The following VEGFA variants were observed in gnomAD, a reference collection of about 807,000 sequenced individuals.
VEGFA encodes vascular endothelial growth factor A.
In VEGFA, 20 loss-of-function variants were observed where a neutral mutation model predicts 49.7. The observed-to-expected ratio is 0.40, with a 90% CI of 0.28 to 0.58. The LOEUF (loss-of-function observed/expected upper bound fraction) is 0.58, where lower values mean the gene tolerates loss of function less well. Ranked by LOEUF, VEGFA falls within the 20% of genes least tolerant of loss-of-function variation. VEGFA has a pLI of 0.40. For synonymous variants in VEGFA, 219 were observed against 223.4 expected, an observed-to-expected ratio of 0.98 and a Z score of 0.18; for missense variants, 505 against 553.5, an observed-to-expected ratio of 0.91 and a Z score of 0.88.
At chr6:43,784,257 C>T (rs1177178171) in intron 7 of VEGFA, 1 of 570,586 alleles carries the variant, frequency 1.8e-6, no homozygotes, top group Non-Finnish European at 3.1e-6. Flanking sequence ...GTAAAGTGTT[C>T]CCATGTCCTT....
At chr6:43,778,617 T>C (rs1457954562) in intron 4 of VEGFA, 81 bp downstream of exon 4, 14 of 1,445,546 alleles carry the variant, frequency 9.7e-6, no homozygotes, top group Non-Finnish European at 1.4e-5. Flanking sequence ...ATGCTGTACT[T>C]TTTGGCCCCC....
At chr6:43,779,116 C>G (rs545398167) in intron 5 of VEGFA, 198 bp downstream of exon 5, 1 of 674,884 alleles carries the variant, frequency 1.5e-6, no homozygotes, top group African/African-American at 1.8e-5. Flanking sequence ...GAAAACATAG[C>G]CAGGAGCCTG....
rs3024987 is a variant in VEGFA at position 43,773,103 on chromosome 6, C to T, written c.607-1238C>T. On this transcript the variant is annotated intron_variant, in intron 1 of 7. Transcript: ENST00000672860. The surrounding 1 kb of genome is among the most constrained non-coding windows in gnomAD (Gnocchi z 5.6). ...GAATCCAGGGGGTCCCTGCAGGAGC[C>T]GCAGTGGTAAGCTGTCCAGCTGGAA... 20,863 of 153,666 alleles carry T rather than the reference C, an allele frequency of 0.14. 1,524 individuals carry two copies. The highest frequency in any genetic ancestry group is 0.22 in the South Asian group (1,065 of 4,850). 9.5% of individuals were successfully genotyped at this position (153,666 alleles called of 1,614,324 possible). A position where few individuals can be genotyped will look rare whatever the true frequency, so the allele number is the denominator to read the frequency against.
At chr6:43,774,291 GC>G in intron 1 of VEGFA, 49 bp from the exon 2 acceptor site, 1 of 1,602,880 alleles carries the variant, frequency 6.2e-7, no homozygotes, top group Non-Finnish European at 8.5e-7. Flanking sequence ...CTGGGCCTGT[GC>G]ACCCCAGCCC....
At position 43,779,123 on chromosome 6, in the gene VEGFA, C is replaced by G. The variant is rs1561992461; in HGVS notation, c.962+205C>G. 6 of 649,948 alleles carry G rather than the reference C, an allele frequency of 9.2e-6. No individual in the cohort carries two copies. In the East Asian group the frequency reaches 1.6e-4, roughly 18 times the overall value. The allele number at this position is 649,948 out of a possible 1,614,324, so 40.3% of individuals were successfully genotyped here. A position where few individuals can be genotyped will look rare whatever the true frequency, so the allele number is the denominator to read the frequency against. On this transcript the variant is annotated intron_variant, in intron 5 of 7. Coordinates refer to ENST00000672860, the MANE Select transcript of VEGFA (RefSeq NM_003376.6). ...GCTAGTGAGAAAACATAGCCAGGAG[C>G]CTGGCACTTCCTTTGGAAGGGACAA...
chr6:43,781,173 G>A (rs140986344), intron 6 of VEGFA: 207 of 469,260 alleles, frequency 4.4e-4, no homozygotes, highest in African/African-American at 3.8e-3. Context: ...TTCTGCACTC[G>A]TCTGGAAGCT....
chr6:43,777,097 C>T lies in VEGFA; in HGVS notation c.659-372C>T, dbSNP rs1262893997. 6 of 359,626 alleles carry T rather than the reference C, an allele frequency of 1.7e-5. No homozygotes were observed. Among genetic ancestry groups the T allele is most frequent in the Non-Finnish European group, 3.3e-5 (6 of 184,176 alleles). The allele number at this position is 359,626 out of a possible 1,614,324, so 22.3% of individuals were successfully genotyped here. On this transcript the variant is annotated intron_variant, in intron 2 of 7. Coordinates refer to ENST00000672860, the MANE Select transcript of VEGFA (RefSeq NM_003376.6). The surrounding 1 kb of genome is among the most constrained non-coding windows in gnomAD (Gnocchi z 4.3). Reference sequence around the variant, plus strand: ...ACTAGCTTGGCAAAGCTGGCTCTTCCTCCTTTTAGGGAAAGCTTAGAGCAT... The same window carrying T: ...ACTAGCTTGGCAAAGCTGGCTCTTCTTCCTTTTAGGGAAAGCTTAGAGCAT...
rs967270817 is a variant in VEGFA, at chr6:43,780,579, C to A, written c.963-153C>A. On this transcript the variant is annotated intron_variant, in intron 5 of 7. Transcript: ENST00000672860. Reference sequence around the variant, plus strand: ...CGCCTGTGTGCGCCCGCGCATGCCTCCCCAGAGACCACCTGCCTCCTGACA... The same window carrying A: ...CGCCTGTGTGCGCCCGCGCATGCCTACCCAGAGACCACCTGCCTCCTGACA... 6 of 1,116,402 alleles carry A rather than the reference C, an allele frequency of 5.4e-6. No individual in the cohort carries two copies. The African/African-American group carries it at 9.2e-5, about 17-fold the overall frequency. 69.2% of individuals were successfully genotyped at this position (1,116,402 alleles called of 1,614,324 possible).
At chr6:43,784,362 G>A (rs1478454415) in intron 7 of VEGFA, 179 bp from the exon 8 acceptor site, 6 of 701,950 alleles carry the variant, frequency 8.5e-6, no homozygotes, top group Non-Finnish European at 1.3e-5. Context: ...GGGCAGGGCT[G>A]GGGCTGTTCT....
intron 3 of VEGFA, 78 bp from the exon 4 acceptor site, chr6:43,778,382 C>T: frequency 7.8e-7 from 1 of 1,283,204 alleles, no homozygotes; most frequent in Non-Finnish European, 1.1e-6. Context: ...TGCTGAGTGG[C>T]AGGAGCCCCA....
intron 2 of VEGFA, chr6:43,775,760 C>A (rs139189546): frequency 5.9e-5 from 9 of 152,320 alleles, no homozygotes; most frequent in African/African-American, 2.2e-4. Context: ...GATGCTTTGC[C>A]GTAACCCTTC....
chr6:43,779,463 T>C (rs1398156835), intron 5 of VEGFA: 2 of 356,110 alleles, frequency 5.6e-6, no homozygotes, highest in African/African-American at 4.2e-5. Context: ...CAGAGGCTTG[T>C]GAGTGCTCCG....
chr6:43,770,531 G>C lies in VEGFA; in HGVS notation c.-176G>C. The C allele has an allele frequency of 7.8e-7, 1 of 1,287,956 alleles. No homozygotes were observed. Among genetic ancestry groups the C allele is most frequent in the Non-Finnish European group, 9.8e-7 (1 of 1,015,464 alleles). 79.8% of individuals were successfully genotyped at this position (1,287,956 alleles called of 1,614,324 possible). The stretch of plus-strand genomic sequence containing the variant: ...TTTGGAAACCAGCAGAAAGAGGAAA[G>C]AGGTAGCAAGAGCTCCAGAGAGAAG... On this transcript the variant is annotated 5_prime_UTR_variant, in exon 1 of 8. Transcript: ENST00000672860.
rs1251234417 is a variant in VEGFA at position 43,785,195 on chromosome 6, C to T, written c.*633C>T. On this transcript the variant is annotated 3_prime_UTR_variant, in exon 8 of 8. Transcript: ENST00000672860. ...TGCCCAGGAATGTGCAAGGCCAGGG[C>T]ATGGGGGCAAATATGACCCAGTTTT... The T allele has an allele frequency of 5.2e-6, 1 of 190,720 alleles. No homozygotes were observed. The allele number at this position is 190,720 out of a possible 1,614,324, so 11.8% of individuals were successfully genotyped here.
rs762310167 is a variant in VEGFA, at chr6:43,773,999, C to T, written c.607-342C>T. The T allele has an allele frequency of 1.0e-4, 44 of 419,210 alleles. No homozygotes were observed. Among genetic ancestry groups the T allele is most frequent in the Non-Finnish European group, 1.7e-4 (38 of 223,132 alleles). 26.0% of individuals were successfully genotyped at this position (419,210 alleles called of 1,614,324 possible). ...CTTACCATGGCTTTGGACCAGGGAA[C>T]TAGGGGGATAGTGAGAGCAGGGAGA... On this transcript the variant is annotated intron_variant, in intron 1 of 7. Transcript: ENST00000672860. The surrounding 1 kb of genome is among the most constrained non-coding windows in gnomAD (Gnocchi z 5.6).
intron 5 of VEGFA, 150 bp from the exon 6 acceptor site, chr6:43,780,582 C>T: frequency 8.5e-7 from 1 of 1,173,026 alleles, no homozygotes; most frequent in Admixed American, 2.0e-5. Flanking sequence ...CATGCCTCCC[C>T]AGAGACCACC....
At position 43,771,946 on chromosome 6, in the gene VEGFA, C is replaced by T. The variant is rs1301841466; in HGVS notation, c.606+634C>T. The T allele has an allele frequency of 6.4e-6, 6 of 931,490 alleles. No homozygotes were observed. The East Asian group carries it at 5.9e-4, about 91-fold the overall frequency. 57.7% of individuals were successfully genotyped at this position (931,490 alleles called of 1,614,324 possible). A position where few individuals can be genotyped will look rare whatever the true frequency, so the allele number is the denominator to read the frequency against. ...GTCCCGCTCGGTGCCCGCCCTCCCC[C>T]GCCCGGCCGGGTGCGCGCGGCGCGG... On this transcript the variant is annotated intron_variant, in intron 1 of 7. Coordinates refer to ENST00000672860, the MANE Select transcript of VEGFA (RefSeq NM_003376.6).
In VEGFA at chr6:43,784,663, C is replaced by T; in HGVS notation, c.*101C>T. On this transcript the variant is annotated 3_prime_UTR_variant, in exon 8 of 8. Coordinates refer to ENST00000672860, the MANE Select transcript of VEGFA (RefSeq NM_003376.6). ...ATCGATACAGAAACCACGCTGCCGC[C>T]ACCACACCATCACCATCGACAGAAC... is the stretch of plus-strand genomic sequence containing the variant. 1 of 1,584,674 alleles carries T rather than the reference C, an allele frequency of 6.3e-7. No homozygotes were observed. The highest frequency in any genetic ancestry group is 1.1e-5 in the South Asian group (1 of 90,472).
At position 43,780,681 on chromosome 6, in the gene VEGFA, C is replaced by T. The variant is rs747333389; in HGVS notation, c.963-51C>T. 7 of 1,581,380 alleles carry T rather than the reference C, an allele frequency of 4.4e-6. No homozygotes were observed. The East Asian group carries it at 7.0e-5, about 16-fold the overall frequency. On this transcript the variant is annotated intron_variant, in intron 5 of 7. Coordinates refer to ENST00000672860, the MANE Select transcript of VEGFA (RefSeq NM_003376.6). ...CCTGCCCACCTTACCACTTCTTTTA[C>T]TCCCCCCACCGCCCCCGCTCTCTCT... is the stretch of plus-strand genomic sequence containing the variant.
Sources: allele counts gnomAD v4.1 joint callset, GRCh38; gene constraint gnomAD v4.1.1; non-coding constraint Gnocchi (gnomAD v3.1); transcripts MANE v1.5; gene names NCBI Gene and HGNC (gene_info 2026-07-23, HGNC 2026-07-21).